ADGRL2: variants seen among roughly 807,000 people sequenced by gnomAD.
ADGRL2 encodes the protein adhesion G protein-coupled receptor L2.
In ADGRL2, 44 loss-of-function variants were observed where a neutral mutation model predicts 157.4. The ratio of observed to expected loss-of-function variants is 0.28; its 90% CI spans 0.22 to 0.36. The LOEUF is 0.36. Ranked by LOEUF, ADGRL2 falls within the 10% of genes least tolerant of loss-of-function variation. The pLI is 1.00. For synonymous variants in ADGRL2, 585 were observed against 624.7 expected (o/e 0.94, Z 0.95); for missense variants, 1,510 against 1,768.9 (o/e 0.85, Z 2.63).
chr1:81,313,756 A>T (rs184072135), intron 1 of ADGRL2, among the ~76,000 whole-genome samples: 1 of 152,186 alleles, frequency 6.6e-6, no homozygotes, highest in Non-Finnish European at 1.5e-5. Flanking sequence ...AAAAATCAAG[A>T]GGGTATTTCA....
intron 2 of ADGRL2, among the ~76,000 whole-genome samples, chr1:81,458,748 C>T (rs1262064427): frequency 1.3e-5 from 2 of 152,160 alleles, no homozygotes; most frequent in African/African-American, 4.8e-5. Flanking sequence ...CCAGGAGTCC[C>T]AAGGAGTGTT....
chr1:81,803,656 T>C (rs1378062814), intron 1 of ADGRL2, among the ~76,000 whole-genome samples: 5 of 152,114 alleles, frequency 3.3e-5, no homozygotes, highest in African/African-American at 1.2e-4. Context: ...TCAGGCTGCT[T>C]AGCAGCTTCT....
chr1:81,679,278 A>G (rs1557559832), intron 3 of ADGRL2, among the ~76,000 whole-genome samples: 1 of 152,184 alleles, frequency 6.6e-6, no homozygotes, highest in Non-Finnish European at 1.5e-5. Context: ...CTTAAGAGTC[A>G]ACATGAGAGA....
intron 3 of ADGRL2, among the ~76,000 whole-genome samples, chr1:81,599,000 T>C (rs1250177809): frequency 6.6e-6 from 1 of 152,210 alleles, no homozygotes; most frequent in Non-Finnish European, 1.5e-5. Context: ...TTCCATTGTA[T>C]ATATAGGGTA....
upstream of ADGRL2, among the ~76,000 whole-genome samples, chr1:81,699,081 G>A (rs2083504861): frequency 6.6e-6 from 1 of 152,150 alleles, no homozygotes; most frequent in East Asian, 1.9e-4. Flanking sequence ...AAAGCAAAAT[G>A]TACAACATAC....
At chr1:81,331,388 T>G (rs1319239950) in intron 1 of ADGRL2, among the ~76,000 whole-genome samples, 1 of 152,122 alleles carries the variant, frequency 6.6e-6, no homozygotes, top group Non-Finnish European at 1.5e-5. Context: ...TTACGTTTAC[T>G]TTGTATTTTG....
At chr1:81,339,961 T>A (rs1327601) in intron 1 of ADGRL2, among the ~76,000 whole-genome samples, 31,816 of 152,172 alleles carry the variant, frequency 0.21, 3,440 homozygotes, top group Admixed American at 0.27. Context: ...ATTACAATTA[T>A]GTTTACCTGT....
At chr1:81,466,964 T>C (rs1347635036) in intron 2 of ADGRL2, among the ~76,000 whole-genome samples, 1 of 152,054 alleles carries the variant, frequency 6.6e-6, no homozygotes, top group Admixed American at 6.6e-5. Context: ...TGTTTATTCT[T>C]TAATGATAGT....
At chr1:81,405,898 G>A (rs1475736541) in intron 1 of ADGRL2, among the ~76,000 whole-genome samples, 6 of 151,856 alleles carry the variant, frequency 4.0e-5, no homozygotes, top group Admixed American at 6.6e-5. Flanking sequence ...CCAATAAAGT[G>A]TTATCTCCTC....
intron 1 of ADGRL2, among the ~76,000 whole-genome samples, chr1:81,393,002 T>C (rs1200619492): frequency 6.6e-6 from 1 of 152,152 alleles, no homozygotes; most frequent in Non-Finnish European, 1.5e-5. Flanking sequence ...ACACACTCTT[T>C]TGATTGTTTG....
chr1:81,790,977 G>A (rs762827716), intron 2 of ADGRL2, among the ~76,000 whole-genome samples: 22 of 144,386 alleles, frequency 1.5e-4, no homozygotes, highest in Non-Finnish European at 3.3e-4. Context: ...GGGGTGGGAG[G>A]ATCATTTGAG....
At position 81,485,182 on chromosome 1, in the gene ADGRL2, A is replaced by C. The variant is rs563244852; in HGVS notation, c.-248+40093A>C. On this transcript the variant is annotated intron_variant, in intron 2 of 24. Coordinates refer to the ADGRL2 transcript ENST00000370721. ...AAATATGTGTTTGAAAAGCACAAAA[A>C]AAAAAAAAAAGTTTACCTGTCTGAG... 9.0e-3 allele frequency among the ~76,000 whole-genome samples: 1,364 copies of C among 152,084 alleles called. 20 individuals carry two copies. Among genetic ancestry groups the C allele is most frequent in the African/African-American group, 0.031 (1,273 of 41,490 alleles).
intron 2 of ADGRL2, among the ~76,000 whole-genome samples, chr1:81,790,581 A>G (rs929309779): frequency 4.6e-5 from 7 of 152,224 alleles, no homozygotes; most frequent in African/African-American, 1.2e-4. Context: ...TGCAATATCT[A>G]TATCAGCAAA....
At chr1:81,810,006 A>G (rs1469646499) in intron 1 of ADGRL2, among the ~76,000 whole-genome samples, 1 of 151,946 alleles carries the variant, frequency 6.6e-6, no homozygotes, top group Admixed American at 6.6e-5. Flanking sequence ...AGATGACAGC[A>G]TAATCTAACC....
intron 2 of ADGRL2, among the ~76,000 whole-genome samples, chr1:81,892,191 C>T (rs573141691): frequency 6.6e-6 from 1 of 152,076 alleles, no homozygotes; most frequent in East Asian, 1.9e-4. Context: ...TGTCACAGAG[C>T]TCTTTAAGGG....
chr1:81,545,904 C>T (rs1321575291), intron 2 of ADGRL2, among the ~76,000 whole-genome samples: 2 of 152,146 alleles, frequency 1.3e-5, no homozygotes, highest in African/African-American at 4.8e-5. Context: ...TGGCCTGGCC[C>T]TGACCATCAC....
chr1:81,903,150 C>T (rs1259268151), intron 2 of ADGRL2, among the ~76,000 whole-genome samples: 1 of 152,092 alleles, frequency 6.6e-6, no homozygotes, highest in East Asian at 1.9e-4. Context: ...TGACTTTGCC[C>T]AAAGTCACAA....
intron 1 of ADGRL2, among the ~76,000 whole-genome samples, chr1:81,714,839 TG>T: frequency 6.6e-6 from 1 of 151,138 alleles, no homozygotes; most frequent in Non-Finnish European, 1.5e-5. Flanking sequence ...AGTACAGGTT[TG>T]GGCATGTTTT....
chr1:81,483,292 G>A (rs144892298), intron 2 of ADGRL2, among the ~76,000 whole-genome samples: 4 of 152,196 alleles, frequency 2.6e-5, no homozygotes, highest in East Asian at 1.9e-4. Context: ...CAAAAACCAC[G>A]GCTGTTATAG....
Sources: allele counts gnomAD v4.1 joint callset (sites outside exome capture counted in the v4.1 genomes callset), GRCh38; gene constraint gnomAD v4.1.1; transcripts MANE v1.5; gene names NCBI Gene and HGNC (gene_info 2026-07-23, HGNC 2026-07-21).